The following PCDHGA10 variants were observed in gnomAD, a reference collection of about 807,000 sequenced individuals.
PCDHGA10 encodes the protein protocadherin gamma-A10.
In PCDHGA10, 42 loss-of-function variants were observed where a neutral mutation model predicts 59.5. The ratio of observed to expected loss-of-function variants is 0.71; its 90% CI spans 0.55 to 0.91. The LOEUF (loss-of-function observed/expected upper bound fraction) is 0.91, where lower values mean the gene tolerates loss of function less well. Ranked by LOEUF, PCDHGA10 falls within the 40% of genes least tolerant of loss-of-function variation. The pLI, the probability that PCDHGA10 is intolerant of heterozygous loss-of-function variation, is 0.00. For synonymous variants in PCDHGA10, 511 were observed against 517.2 expected (o/e 0.99, Z 0.16); for missense variants, 1,111 against 1,198.2 (o/e 0.93, Z 1.07).
intron 1 of PCDHGA10, chr5:141,421,800 G>T (rs995129799): frequency 1.2e-6 from 2 of 1,613,728 alleles, no homozygotes. Flanking sequence ...ATGGGGCCAA[G>T]AATCCAGAGC....
intron 2 of PCDHGA10, among the ~76,000 whole-genome samples, chr5:141,504,909 G>C (rs948719729): frequency 6.6e-6 from 1 of 152,002 alleles, no homozygotes; most frequent in Non-Finnish European, 1.5e-5. Context: ...ACTATGACAG[G>C]AAGCCAGGCT....
Position 141,486,006 on chromosome 5 carries a change from C to G in PCDHGA10, c.2437-8801C>G, listed in dbSNP as rs1394484191. The G allele has an allele frequency of 1.9e-6, 3 of 1,614,190 alleles. No individual in the cohort carries two copies. The highest frequency in any genetic ancestry group is 1.1e-5 in the South Asian group (1 of 91,084). On this transcript the variant is annotated intron_variant, in intron 1 of 3. Transcript: ENST00000398610. The surrounding 1 kb of genome is among the most constrained non-coding windows in gnomAD (Gnocchi z 5.0). Reference sequence around the variant, plus strand: ...GACCTGGGTCCCAGTGGTAACGTCACCTTTTATTTCAGTGGTCATACCCCT... The same window carrying G: ...GACCTGGGTCCCAGTGGTAACGTCAGCTTTTATTTCAGTGGTCATACCCCT...
intron 1 of PCDHGA10, chr5:141,423,659 A>C (rs369390148): frequency 6.4e-7 from 1 of 1,551,038 alleles, no homozygotes; most frequent in African/African-American, 1.4e-5. Flanking sequence ...ACAAGTAATC[A>C]GGTGAGATTT....
At chr5:141,419,182 C>T in intron 1 of PCDHGA10, 2 of 1,613,986 alleles carry the variant, frequency 1.2e-6, no homozygotes, top group Non-Finnish European at 1.7e-6. Context: ...TAACCCTGCA[C>T]ATTACTGACG....
intron 1 of PCDHGA10, among the ~76,000 whole-genome samples, chr5:141,454,743 G>A (rs1050167077): frequency 6.7e-6 from 1 of 149,684 alleles, no homozygotes; most frequent in African/African-American, 2.5e-5. Context: ...ATGAAAAGAG[G>A]CCAAACTAAT....
chr5:141,449,782 T>C (rs2098655261), intron 1 of PCDHGA10, among the ~76,000 whole-genome samples: 1 of 151,720 alleles, frequency 6.6e-6, no homozygotes, highest in South Asian at 2.1e-4. Flanking sequence ...GAAATTATGT[T>C]TCTTTATTCC....
chr5:141,428,857 A>C (rs2097165548), intron 1 of PCDHGA10: 1 of 140,386 alleles, frequency 7.1e-6, no homozygotes, highest in Non-Finnish European at 1.5e-5. Context: ...TTTTTACGGG[A>C]GACTTTTTTT....
At chr5:141,423,755 G>GT (rs542747697) in intron 1 of PCDHGA10, 5 of 512,416 alleles carry the variant, frequency 9.8e-6, no homozygotes, top group Admixed American at 7.1e-5. Context: ...CTGTTTGGGG[G>GT]GGGGGTGGGG....
intron 1 of PCDHGA10, among the ~76,000 whole-genome samples, chr5:141,494,463 C>G (rs1178793763): frequency 6.6e-6 from 1 of 152,154 alleles, no homozygotes; most frequent in Non-Finnish European, 1.5e-5. Context: ...TTGTCTGCAC[C>G]TCTTCCCCCA....
At chr5:141,501,333 A>C (rs200092587) in intron 2 of PCDHGA10, among the ~76,000 whole-genome samples, 397 of 140,104 alleles carry the variant, frequency 2.8e-3, no homozygotes, top group Non-Finnish European at 2.6e-3. Flanking sequence ...ACACACACAC[A>C]CCCCAAACTC....
intron 1 of PCDHGA10, among the ~76,000 whole-genome samples, chr5:141,454,617 G>T (rs2098794218): frequency 6.6e-6 from 1 of 151,322 alleles, no homozygotes; most frequent in Non-Finnish European, 1.5e-5. Context: ...TGTTGGTCAG[G>T]CTGGTCTCGA....
chr5:141,449,936 T>C (rs1016569958), intron 1 of PCDHGA10, among the ~76,000 whole-genome samples: 4 of 151,978 alleles, frequency 2.6e-5, no homozygotes, highest in African/African-American at 9.6e-5. Context: ...CCTTATAGTA[T>C]ATTTTACTAT....
chr5:141,476,950 A>T lies in PCDHGA10; in HGVS notation c.2437-17857A>T, dbSNP rs1224572890. 2 of 1,614,158 alleles carry T rather than the reference A, an allele frequency of 1.2e-6. No homozygotes were observed. The highest frequency in any genetic ancestry group is 4.5e-5 in the East Asian group (2 of 44,878). ...ATCTGGATGAAGGCCCCAACGGTGA[A>T]ATTATTTACTCCTTCGGCAGCCACA... On this transcript the variant is annotated intron_variant, in intron 1 of 3. Transcript: ENST00000398610. The surrounding 1 kb of genome is among the most constrained non-coding windows in gnomAD (Gnocchi z 7.6).
chr5:141,457,429 C>A (rs73280316), intron 1 of PCDHGA10, among the ~76,000 whole-genome samples: 7 of 152,178 alleles, frequency 4.6e-5, no homozygotes, highest in Non-Finnish European at 7.4e-5. Flanking sequence ...TTTTCCCCCC[C>A]ACCAAGCTGC....
chr5:141,425,559 G>A (rs1180113940), intron 1 of PCDHGA10, among the ~76,000 whole-genome samples: 2 of 152,176 alleles, frequency 1.3e-5, no homozygotes, highest in East Asian at 3.9e-4. Context: ...TCTTTTATAA[G>A]TGATAAGAAG....
At chr5:141,506,444 CAAA>C (rs1219684339) in intron 3 of PCDHGA10, among the ~76,000 whole-genome samples, 12 of 95,004 alleles carry the variant, frequency 1.3e-4, no homozygotes, top group Admixed American at 3.3e-4. Context: ...CGCTCTGTCT[CAAA>C]AAAAAAAAAA....
rs1378140695 is a variant in PCDHGA10, at chr5:141,485,189, A to G, written c.2437-9618A>G. On this transcript the variant is annotated intron_variant, in intron 1 of 3. Transcript: ENST00000398610. The surrounding 1 kb of genome is among the most constrained non-coding windows in gnomAD (Gnocchi z 5.7). ...GGCGGCAGCAATGCTCCGCAAGGTGAGAAGCTGGACAGAAATCTGGCGGTG... is the reference window on the plus strand; with the variant it reads ...GGCGGCAGCAATGCTCCGCAAGGTGGGAAGCTGGACAGAAATCTGGCGGTG... 1 of 1,613,726 alleles carries G rather than the reference A, an allele frequency of 6.2e-7. No homozygotes were observed. The highest frequency in any genetic ancestry group is 1.7e-5 in the Admixed American group (1 of 60,020).
intron 1 of PCDHGA10, among the ~76,000 whole-genome samples, chr5:141,439,341 G>A (rs1464427300): frequency 6.6e-6 from 1 of 152,166 alleles, no homozygotes; most frequent in East Asian, 1.9e-4. Context: ...AAGATTCTAA[G>A]CCTACAAATA....
Position 141,476,373 on chromosome 5 carries a change from T to C in PCDHGA10, c.2437-18434T>C. 1 of 1,614,054 alleles carries C rather than the reference T, an allele frequency of 6.2e-7. No individual in the cohort carries two copies. Among genetic ancestry groups the C allele is most frequent in the Non-Finnish European group, 8.5e-7 (1 of 1,180,020 alleles). On this transcript the variant is annotated intron_variant, in intron 1 of 3. Transcript: ENST00000398610. This position sits in a 1 kb window ranked among gnomAD's most constrained non-coding sequence, Gnocchi z 7.6. ...GAGGTGAACCGGGAGACCGGAGAGA[T>C]GTTTGTGAACGACCGTCTGGATCGA...
Sources: gnomAD v4.1 joint callset for allele counts (sites outside exome capture counted in the v4.1 genomes callset) on GRCh38, gnomAD v4.1.1 for gene constraint, Gnocchi (gnomAD v3.1) non-coding constraint, MANE v1.5 for transcripts, NCBI Gene and HGNC (gene_info 2026-07-23, HGNC 2026-07-21) for gene names.